The following RNF213 variants were observed in gnomAD, a reference collection of about 807,000 sequenced individuals.
RNF213 encodes the protein E3 ubiquitin-protein ligase RNF213.
In RNF213, 341 loss-of-function variants were observed where a neutral mutation model predicts 514.4. The observed-to-expected ratio is 0.66, with a 90% CI of 0.61 to 0.73. The LOEUF (loss-of-function observed/expected upper bound fraction) is 0.73. Ranked by LOEUF, RNF213 falls within the 30% of genes least tolerant of loss-of-function variation. The pLI, the probability that RNF213 is intolerant of heterozygous loss-of-function variation, is 0.00. For missense variants in RNF213, 5,767 were observed against 6,615.6 expected, an observed-to-expected ratio of 0.87 and a Z score of 4.45; for synonymous variants, 2,655 against 2,658.2, an observed-to-expected ratio of 1.00 and a Z score of 0.04.
chr17:80,288,128 G>A lies in RNF213; in HGVS notation c.575G>A (p.Ser192Asn), dbSNP rs1313693512. Residue 192 changes from serine to asparagine, a missense_variant, in exon 4 of 68, where the codon AGC becomes AAC. By Grantham distance (46) the Ser-to-Asn change is conservative. Coordinates refer to ENST00000582970, the MANE Select transcript of RNF213 (RefSeq NM_001256071.3). The surrounding 1 kb of genome is among the most constrained non-coding windows in gnomAD (Gnocchi z 4.9). The stretch of plus-strand genomic sequence containing the variant: ...GTGGCCACAGGAAGTGAGGCTCAGA[G>A]CAGCCCGCAATTCCAGGACCACACG... Reference protein sequence around the residue: ...AGVATGSEAQSSPQFQDHTEG... With the variant: ...AGVATGSEAQNSPQFQDHTEG... 23 of 1,609,656 alleles carry A rather than the reference G, an allele frequency of 1.4e-5. No homozygotes were observed. The highest frequency in any genetic ancestry group is 2.0e-5 in the Non-Finnish European group (23 of 1,177,370).
chr17:80,269,071 A>G (rs951144159), intron 2 of RNF213, among the ~76,000 whole-genome samples: 2 of 152,328 alleles, frequency 1.3e-5, no homozygotes, highest in South Asian at 4.1e-4. Context: ...GTGAGGAAGC[A>G]TCCAGCATAG....
In RNF213 at chr17:80,337,851, C is replaced by T. The variant is rs766626384; in HGVS notation, c.4687C>T (p.Leu1563=). ...TTCACAGATTTCCCCAGACACGGTT[C>T]TGCACTTGATCCTTCCTGAGAGCCC... ...GGQKISPDTV[L]HLILPESPGS... The change falls in exon 25 of 68, where the codon CTG becomes TTG. Residue 1563 remains leucine (L), a synonymous_variant. Transcript: ENST00000582970. 3 of 1,537,290 alleles carry T rather than the reference C, an allele frequency of 2.0e-6. No individual in the cohort carries two copies. The highest frequency in any genetic ancestry group is 2.4e-5 in the South Asian group (2 of 84,060).
chr17:80,370,689 T>TAG (rs1480061758), intron 46 of RNF213, among the ~76,000 whole-genome samples: 2 of 152,024 alleles, frequency 1.3e-5, no homozygotes, highest in Admixed American at 1.3e-4. Context: ...CACACCGGAG[T>TAG]AGACAGTTGC....
rs1434958154 is a variant in RNF213 at position 80,360,065 on chromosome 17, A to G, written c.11059A>G (p.Lys3687Glu). 6.2e-7 allele frequency: 1 copy of G among 1,614,020 alleles called. No homozygotes were observed. Among genetic ancestry groups the G allele is most frequent in the Non-Finnish European group, 8.5e-7 (1 of 1,179,898 alleles). Residue 3687 changes from lysine (K) to glutamate (E), a missense_variant, in exon 38 of 68, where the codon AAA becomes GAA. Transcript: ENST00000582970. ...TCATCCCTCACCTTATTGCAGACAT[A>G]AAGGTGAGATGGCCTACATCGTGGT... ...IPLVMNNERH[K>E]GEMAYIVVQN...
At chr17:80,267,824 C>CTTTT (rs71163943) in intron 2 of RNF213, among the ~76,000 whole-genome samples, 10 of 144,996 alleles carry the variant, frequency 6.9e-5, no homozygotes, top group African/African-American at 2.3e-4. Context: ...ATTTTCTTTT[C>CTTTT]TTTTTTTTTT....
intron 52 of RNF213, 123 bp downstream of exon 52, chr17:80,376,666 T>C (rs2079774004): frequency 1.4e-6 from 2 of 1,385,454 alleles, no homozygotes; most frequent in Admixed American, 1.9e-5. Flanking sequence ...TCTCTGCCTT[T>C]GTGTCACCTG....
intron 14 of RNF213, among the ~76,000 whole-genome samples, chr17:80,310,737 A>G (rs1193637258): frequency 1.3e-5 from 2 of 152,090 alleles, no homozygotes; most frequent in Non-Finnish European, 2.9e-5. Context: ...TTTTTAGTCG[A>G]GACAGGATTT....
At chr17:80,364,584 A>G in intron 42 of RNF213, 31 bp downstream of exon 42, 1 of 1,613,884 alleles carries the variant, frequency 6.2e-7, no homozygotes, top group South Asian at 1.1e-5. Flanking sequence ...CAGCACATGC[A>G]CGGATCCACC....
At chr17:80,336,047 C>A in intron 22 of RNF213, 114 bp from the exon 23 acceptor site, 1 of 826,004 alleles carries the variant, frequency 1.2e-6, no homozygotes, top group Non-Finnish European at 1.9e-6. Flanking sequence ...GTGGACAGAA[C>A]CTTAAAAATT....
At position 80,370,824 on chromosome 17, in the gene RNF213, T is replaced by C. The variant is rs1295557943; in HGVS notation, c.12425+957T>C. Among the ~76,000 whole-genome samples, 3 of 152,314 alleles carry C rather than the reference T, an allele frequency of 2.0e-5. No homozygotes were observed. The East Asian group carries it at 5.8e-4, about 29-fold the overall frequency. On this transcript the variant is annotated intron_variant, in intron 46 of 67. Coordinates refer to ENST00000582970, the MANE Select transcript of RNF213 (RefSeq NM_001256071.3). ...TGTCCAGGGCTGGGCAGGCCTCTCC[T>C]GGAAATCAGCAAAGTGAGCCAGCCT...
chr17:80,359,434 G>T (rs999048672), intron 37 of RNF213, among the ~76,000 whole-genome samples: 1 of 150,430 alleles, frequency 6.6e-6, no homozygotes, highest in African/African-American at 2.5e-5. Flanking sequence ...TGAGGCGGGA[G>T]GATTGCTTGA....
chr17:80,351,575 A>G (rs2078516628), intron 31 of RNF213, 110 bp from the exon 32 acceptor site: 1 of 677,522 alleles, frequency 1.5e-6, no homozygotes, highest in South Asian at 1.7e-5. Context: ...CCGAACCAAC[A>G]GCTCGGAGAA....
intron 2 of RNF213, among the ~76,000 whole-genome samples, chr17:80,267,513 G>A (rs2043648764): frequency 6.6e-6 from 1 of 152,216 alleles, no homozygotes; most frequent in African/African-American, 2.4e-5. Context: ...ATTGTGATAT[G>A]GAGAGAGTTT....
chr17:80,352,053 C>T, intron 32 of RNF213: 2 of 341,976 alleles, frequency 5.8e-6, no homozygotes, highest in South Asian at 2.9e-5. Flanking sequence ...CGGGGTTTCA[C>T]CACGTTGGCC....
At chr17:80,354,371 G>C in intron 35 of RNF213, 70 bp from the exon 36 acceptor site, 1 of 1,610,446 alleles carries the variant, frequency 6.2e-7, no homozygotes, top group East Asian at 2.2e-5. Flanking sequence ...GGGGGAGGTG[G>C]GACAGAAGCA....
At chr17:80,307,547 GTTT>G (rs2045411785) in intron 13 of RNF213, among the ~76,000 whole-genome samples, 3 of 56,014 alleles carry the variant, frequency 5.4e-5, no homozygotes, top group African/African-American at 1.8e-4. Context: ...GTGTTGGTTT[GTTT>G]GTTTGTTTGT....
intron 55 of RNF213, among the ~76,000 whole-genome samples, chr17:80,380,059 CA>C (rs2079924687): frequency 6.6e-6 from 1 of 152,196 alleles, no homozygotes; most frequent in South Asian, 2.1e-4. Context: ...TCTGCAGGAC[CA>C]AAACCTGGGC....
At position 80,340,118 on chromosome 17, in the gene RNF213, G is replaced by C; in HGVS notation, c.5751G>C (p.Thr1917=). 6.2e-7 allele frequency: 1 copy of C among 1,613,042 alleles called. No individual in the cohort carries two copies. Among genetic ancestry groups the C allele is most frequent in the Non-Finnish European group, 8.5e-7 (1 of 1,179,866 alleles). The change falls in exon 26 of 68, where the codon ACG becomes ACC. Residue 1917 remains threonine (T), a synonymous_variant. Transcript: ENST00000582970. ...QAEELFHNLC[T]QQHREDYQLV... Reference sequence around the variant, plus strand: ...AGGAGCTTTTCCACAATCTGTGCACGCAGCAGCACCGAGAAGACTACCAGC... The same window carrying C: ...AGGAGCTTTTCCACAATCTGTGCACCCAGCAGCACCGAGAAGACTACCAGC...
At chr17:80,276,783 T>A (rs1215540988) in intron 3 of RNF213, among the ~76,000 whole-genome samples, 1 of 152,152 alleles carries the variant, frequency 6.6e-6, no homozygotes, top group Non-Finnish European at 1.5e-5. Flanking sequence ...CCGGGCGCGG[T>A]GGCTCACACC....
Sources: gnomAD v4.1 joint callset for allele counts (sites outside exome capture counted in the v4.1 genomes callset) on GRCh38, gnomAD v4.1.1 for gene constraint, Gnocchi (gnomAD v3.1) non-coding constraint, MANE v1.5 for transcripts, NCBI Gene and HGNC (gene_info 2026-07-23, HGNC 2026-07-21) for gene names.